Variants in FAM107B observed in about 807,000 individuals in gnomAD.
The protein encoded by FAM107B is protein FAM107B.
In FAM107B, 21 loss-of-function variants were observed where a neutral mutation model predicts 31.5. The ratio of observed to expected loss-of-function variants is 0.67; its 90% CI spans 0.47 to 0.96. FAM107B has a LOEUF of 0.96. Ranked by LOEUF, FAM107B falls within the 40% of genes least tolerant of loss-of-function variation. FAM107B has a pLI of 0.00. For missense variants in FAM107B, 452 were observed against 377.1 expected (o/e 1.20, Z -1.64); for synonymous variants, 157 against 141.5 (o/e 1.11, Z -0.78).
Position 14,774,885 on chromosome 10 carries a change from C to T in FAM107B, c.-222G>A, listed in dbSNP as rs1280907288. 8.9e-6 allele frequency: 5 copies of T among 564,600 alleles called. No individual in the cohort carries two copies. In the East Asian group the frequency reaches 1.2e-4, roughly 14 times the overall value. 35.0% of individuals were successfully genotyped at this position (564,600 alleles called of 1,614,324 possible). On this transcript the variant is annotated 5_prime_UTR_variant, in exon 1 of 5. Transcript: ENST00000181796. ...AGTGTCCATCCTGGGCAATTTCGCG[C>T]TCTTCCTTCTGTGATGCTGTCAGTG...
At chr10:14,579,739 G>A (rs1188479694) in intron 2 of FAM107B, among the ~76,000 whole-genome samples, 2 of 152,212 alleles carry the variant, frequency 1.3e-5, no homozygotes, top group African/African-American at 4.8e-5. Context: ...GATTTGGAGT[G>A]TGTTAAAAGT....
intron 1 of FAM107B, among the ~76,000 whole-genome samples, chr10:14,771,769 G>A (rs1160328192): frequency 6.6e-6 from 1 of 152,080 alleles, no homozygotes; most frequent in South Asian, 2.1e-4. Flanking sequence ...CTCCCTCCTT[G>A]GCTTTCCAAA....
chr10:14,574,302 G>C (rs893530258), intron 2 of FAM107B, among the ~76,000 whole-genome samples: 1 of 152,134 alleles, frequency 6.6e-6, no homozygotes, highest in Non-Finnish European at 1.5e-5. Flanking sequence ...TATGCACGGT[G>C]GATATAATCT....
At chr10:14,563,835 A>C (rs998032830) in intron 2 of FAM107B, among the ~76,000 whole-genome samples, 1 of 152,226 alleles carries the variant, frequency 6.6e-6, no homozygotes, top group Non-Finnish European at 1.5e-5. Flanking sequence ...TTTTCTATCA[A>C]AGCTGGTTAT....
chr10:14,629,638 G>A (rs983435145), intron 2 of FAM107B, among the ~76,000 whole-genome samples: 29 of 147,244 alleles, frequency 2.0e-4, no homozygotes, highest in African/African-American at 6.8e-4. Flanking sequence ...CCAGCCTCCC[G>A]AGTAGCTGGG....
At chr10:14,658,279 C>G (rs72770509) in intron 2 of FAM107B, among the ~76,000 whole-genome samples, 13,960 of 152,246 alleles carry the variant, frequency 0.092, 869 homozygotes, top group Middle Eastern at 0.15. Flanking sequence ...TCTACAACCC[C>G]CAGGAGCATT....
At chr10:14,707,414 A>T (rs1008885816) in intron 1 of FAM107B, among the ~76,000 whole-genome samples, 1 of 134 alleles carries the variant, frequency 7.5e-3, no homozygotes, top group African/African-American at 0.014. Flanking sequence ...AGCTCAGAGA[A>T]GTTTGCGTTC....
intron 2 of FAM107B, among the ~76,000 whole-genome samples, chr10:14,592,650 C>T (rs1230785131): frequency 6.6e-6 from 1 of 152,306 alleles, no homozygotes; most frequent in East Asian, 1.9e-4. Context: ...CCAATTTTTA[C>T]TCCCTGCAAT....
chr10:14,740,514 T>C (rs1194785742), intron 1 of FAM107B, among the ~76,000 whole-genome samples: 1 of 152,222 alleles, frequency 6.6e-6, no homozygotes, highest in Non-Finnish European at 1.5e-5. Context: ...TATATGATAC[T>C]GTCATGGTGG....
At chr10:14,680,573 C>CAAAAAAAAAAAAAAAAAAAAAAA (rs35826993) in intron 1 of FAM107B, among the ~76,000 whole-genome samples, 2 of 133,998 alleles carry the variant, frequency 1.5e-5, no homozygotes, top group African/African-American at 2.8e-5. Context: ...GACTCTGTCT[C>CAAAAAAAAAAAAAAAAAAAAAAA]AAAAAAAAAA....
rs1486114245 is a variant in FAM107B at position 14,632,167 on chromosome 10, G to A, written c.469+35467C>T. 5.3e-5 allele frequency among the ~76,000 whole-genome samples: 8 copies of A among 151,998 alleles called. No individual in the cohort carries two copies. In the East Asian group the frequency reaches 1.2e-3, roughly 22 times the overall value. ...ACAAAAATTAGCCAGTCATGGTGGCGTGCACTTATAATCCCAGCTAGTTGG... is the reference window on the plus strand; with the variant it reads ...ACAAAAATTAGCCAGTCATGGTGGCATGCACTTATAATCCCAGCTAGTTGG... On this transcript the variant is annotated intron_variant, in intron 2 of 4. Transcript: ENST00000181796.
At chr10:14,538,546 C>T (rs946725103) in intron 2 of FAM107B, among the ~76,000 whole-genome samples, 1 of 152,150 alleles carries the variant, frequency 6.6e-6, no homozygotes, top group Admixed American at 6.5e-5. Flanking sequence ...CAGGATAATG[C>T]TTATTTCGGG....
chr10:14,755,911 G>A (rs539667228), intron 1 of FAM107B, among the ~76,000 whole-genome samples: 8 of 152,274 alleles, frequency 5.3e-5, no homozygotes, highest in South Asian at 2.1e-4. Context: ...CATTGAGCAC[G>A]TTGGTGGGGG....
At position 14,758,059 on chromosome 10, in the gene FAM107B, CT is replaced by C. The variant is rs367673689; in HGVS notation, c.411+16193del. Among the ~76,000 whole-genome samples, 45 of 152,242 alleles carry C rather than the reference CT, an allele frequency of 3.0e-4. 1 individual carries two copies. The East Asian group carries it at 7.3e-3, about 25-fold the overall frequency. Reference sequence around the variant, plus strand: ...TGCAAGATAGGAGGGGAAAAAAAGTCTCTGTGCAGCGCTCATAAGCAGAACA... The same window carrying C: ...TGCAAGATAGGAGGGGAAAAAAAGTCCTGTGCAGCGCTCATAAGCAGAACA... On this transcript the variant is annotated intron_variant, in intron 1 of 4. Transcript: ENST00000181796.
intron 2 of FAM107B, among the ~76,000 whole-genome samples, chr10:14,587,316 G>GT (rs1411035976): frequency 6.6e-6 from 1 of 152,190 alleles, no homozygotes; most frequent in Non-Finnish European, 1.5e-5. Context: ...AGGTACTCAT[G>GT]TATTTATTCT....
chr10:14,525,090 T>C (rs770455000), intron 3 of FAM107B, among the ~76,000 whole-genome samples: 1 of 152,262 alleles, frequency 6.6e-6, no homozygotes, highest in Non-Finnish European at 1.5e-5. Flanking sequence ...CTTAACTTTC[T>C]GTGCTGAATG....
At chr10:14,548,337 G>C (rs966701671) in intron 2 of FAM107B, 83 of 830,688 alleles carry the variant, frequency 1.0e-4, no homozygotes, top group Non-Finnish European at 1.1e-4. Flanking sequence ...GAGGCCTCAG[G>C]GACCAGATGC....
chr10:14,574,938 G>A (rs907255441), intron 2 of FAM107B, among the ~76,000 whole-genome samples: 2 of 152,092 alleles, frequency 1.3e-5, no homozygotes, highest in Admixed American at 1.3e-4. Flanking sequence ...AGGGTACAGT[G>A]TGCCCCATCG....
At chr10:14,713,058 C>T (rs796273279) in intron 1 of FAM107B, among the ~76,000 whole-genome samples, 5 of 152,280 alleles carry the variant, frequency 3.3e-5, no homozygotes, top group African/African-American at 1.2e-4. Flanking sequence ...ACTGAACTCG[C>T]TGATACGATT....
Sources: allele counts gnomAD v4.1 joint callset (sites outside exome capture counted in the v4.1 genomes callset), GRCh38; gene constraint gnomAD v4.1.1; transcripts MANE v1.5; gene names NCBI Gene and HGNC (gene_info 2026-07-23, HGNC 2026-07-21).